Variants in TXNRD1 observed in about 807,000 individuals in gnomAD.
TXNRD1 encodes thioredoxin reductase 1, cytoplasmic.
Under a neutral mutation model 80.3 loss-of-function variants are expected in TXNRD1, and 57 were observed. The ratio of observed to expected loss-of-function variants is 0.71; its 90% CI spans 0.57 to 0.89. TXNRD1 has a LOEUF of 0.89. TXNRD1 is among the 40% of genes least tolerant of loss of function. TXNRD1 has a pLI of 0.00. For missense variants in TXNRD1, 730 were observed against 803.0 expected, an observed-to-expected ratio of 0.91 and a Z score of 1.10; for synonymous variants, 291 against 285.2, an observed-to-expected ratio of 1.02 and a Z score of -0.20.
chr12:104,303,582 C>T (rs1056604148), intron 4 of TXNRD1, among the ~76,000 whole-genome samples: 1 of 152,202 alleles, frequency 6.6e-6, no homozygotes, highest in African/African-American at 2.4e-5. Flanking sequence ...GGGCATTAGT[C>T]GCGTGTGAGG....
At chr12:104,345,826 G>A (rs552425733) in intron 16 of TXNRD1, among the ~76,000 whole-genome samples, 11 of 152,176 alleles carry the variant, frequency 7.2e-5, no homozygotes, top group Non-Finnish European at 1.3e-4. Context: ...TTCTGCGGCT[G>A]GAAGTGGTGG....
chr12:104,336,916 T>TACTCCATCTCAAAAAAAAAAAAAAA (rs1476000037), intron 15 of TXNRD1, among the ~76,000 whole-genome samples: 1 of 148,458 alleles, frequency 6.7e-6, no homozygotes, highest in Non-Finnish European at 1.5e-5. Flanking sequence ...TCTCACACAA[T>TACTCCATCTCAAAAAAAAAAAAAAA]GTAGATACCA....
intron 3 of TXNRD1, chr12:104,265,322 G>A: frequency 6.2e-7 from 1 of 1,608,574 alleles, no homozygotes; most frequent in African/African-American, 1.3e-5. Context: ...AAGGCCTCGG[G>A]CACGCTACGA....
chr12:104,309,681 G>C, intron 4 of TXNRD1: 2 of 1,041,134 alleles, frequency 1.9e-6, no homozygotes, highest in African/African-American at 3.2e-5. Flanking sequence ...ACCCAGTAGG[G>C]AGTCACACTA....
chr12:104,331,013 A>C (rs1258968090), intron 13 of TXNRD1, among the ~76,000 whole-genome samples: 2 of 151,974 alleles, frequency 1.3e-5, no homozygotes, highest in African/African-American at 4.8e-5. Context: ...ATTATAGTAA[A>C]ATATAGTAAT....
chr12:104,258,749 G>A (rs1222373067), intron 3 of TXNRD1, among the ~76,000 whole-genome samples: 1 of 152,050 alleles, frequency 6.6e-6, no homozygotes, highest in Non-Finnish European at 1.5e-5. Context: ...AAGAGTGAGA[G>A]CTTGTCTCTA....
intron 15 of TXNRD1, among the ~76,000 whole-genome samples, chr12:104,336,636 A>G (rs1331247352): frequency 6.6e-6 from 1 of 152,112 alleles, no homozygotes; most frequent in Non-Finnish European, 1.5e-5. Context: ...GAATGTTAAC[A>G]TTTTTGCTGT....
Position 104,348,587 on chromosome 12 carries a change from T to G in TXNRD1, c.*166T>G. 1 of 616,696 alleles carries G rather than the reference T, an allele frequency of 1.6e-6. No individual in the cohort carries two copies. The highest frequency in any genetic ancestry group is 2.8e-5 in the East Asian group (1 of 36,112). 38.2% of individuals were successfully genotyped at this position (616,696 alleles called of 1,614,324 possible). A position where few individuals can be genotyped will look rare whatever the true frequency, so the allele number is the denominator to read the frequency against. On this transcript the variant is annotated 3_prime_UTR_variant, in exon 17 of 17. Transcript: ENST00000525566. ...GATCTCTTGGATAGGAGTTGGTGAATAGAAGGCAGGCAGCATCACACTGGG... is the reference window on the plus strand; with the variant it reads ...GATCTCTTGGATAGGAGTTGGTGAAGAGAAGGCAGGCAGCATCACACTGGG...
At chr12:104,315,615 C>T (rs1389638429) in intron 6 of TXNRD1, among the ~76,000 whole-genome samples, 162 bp from the exon 7 acceptor site, 3 of 152,108 alleles carry the variant, frequency 2.0e-5, no homozygotes, top group Non-Finnish European at 2.9e-5. Context: ...GGTCTCTGAA[C>T]TTATGGATGT....
chr12:104,227,726 T>G (rs2032506013), intron 1 of TXNRD1, among the ~76,000 whole-genome samples: 1 of 152,360 alleles, frequency 6.6e-6, no homozygotes, highest in East Asian at 1.9e-4. Flanking sequence ...GCCACTGACC[T>G]GTTCTCCATC....
At chr12:104,237,766 G>A (rs778664524) in intron 1 of TXNRD1, among the ~76,000 whole-genome samples, 61 of 152,300 alleles carry the variant, frequency 4.0e-4, no homozygotes, top group Admixed American at 6.5e-4. Flanking sequence ...TGTAATCCCA[G>A]CACTTTGGGA....
intron 15 of TXNRD1, among the ~76,000 whole-genome samples, chr12:104,338,842 A>G (rs1205023598): frequency 2.0e-5 from 3 of 151,812 alleles, no homozygotes; most frequent in Non-Finnish European, 4.4e-5. Flanking sequence ...TCAGCCTCTC[A>G]AGTAGCTGGA....
At chr12:104,292,918 T>C (rs2034278382) in intron 4 of TXNRD1, among the ~76,000 whole-genome samples, 1 of 152,224 alleles carries the variant, frequency 6.6e-6, no homozygotes. Flanking sequence ...ACACTTTTTG[T>C]TGAACACTTT....
rs370716168 is a variant in TXNRD1 at position 104,327,578 on chromosome 12, C to T, written c.1449C>T (p.Gly483=). Residue 483 remains glycine, a synonymous_variant, in exon 13 of 17, where the codon GGC becomes GGT. Transcript: ENST00000525566. ...ATGTGCCTTACATCTATGCCATTGGCGATATATTGGAGGATAAGGTGGAGC... is the reference window on the plus strand; with the variant it reads ...ATGTGCCTTACATCTATGCCATTGGTGATATATTGGAGGATAAGGTGGAGC... ...QTNVPYIYAI[G]DILEDKVELT... is the part of the protein sequence containing the mutation. The T allele has an allele frequency of 5.0e-6, 8 of 1,613,150 alleles. No individual in the cohort carries two copies. The highest frequency in any genetic ancestry group is 1.1e-5 in the South Asian group (1 of 90,998).
intron 1 of TXNRD1, among the ~76,000 whole-genome samples, chr12:104,226,077 G>A (rs1267178149): frequency 6.6e-6 from 1 of 152,062 alleles, no homozygotes; most frequent in Non-Finnish European, 1.5e-5. Flanking sequence ...GTGGGCACCT[G>A]TAATCCCAGC....
intron 3 of TXNRD1, among the ~76,000 whole-genome samples, chr12:104,273,597 G>T (rs1001722623): frequency 6.6e-6 from 1 of 151,218 alleles, no homozygotes. Flanking sequence ...CATCTCAAAA[G>T]AACAAACATA....
chr12:104,278,118 C>T (rs1055842959), intron 3 of TXNRD1, among the ~76,000 whole-genome samples: 1 of 151,412 alleles, frequency 6.6e-6, no homozygotes, highest in Non-Finnish European at 1.5e-5. Context: ...ACCTTCTGAT[C>T]CACCCGCCTC....
chr12:104,233,092 C>T (rs2032659998), intron 1 of TXNRD1, among the ~76,000 whole-genome samples: 2 of 152,130 alleles, frequency 1.3e-5, no homozygotes, highest in South Asian at 4.1e-4. Flanking sequence ...GCTGGGAATG[C>T]CTGGGCATTT....
chr12:104,310,238 C>T (rs2035087056), intron 4 of TXNRD1: 2 of 988,788 alleles, frequency 2.0e-6, no homozygotes, highest in Admixed American at 3.0e-5. Context: ...CAACGTCTGC[C>T]TCCCGGGTTC....
Sources: allele counts gnomAD v4.1 joint callset (sites outside exome capture counted in the v4.1 genomes callset), GRCh38; gene constraint gnomAD v4.1.1; transcripts MANE v1.5; gene names NCBI Gene and HGNC (gene_info 2026-07-23, HGNC 2026-07-21).